MICOS13: variants seen among roughly 807,000 people sequenced by gnomAD.
MICOS13 encodes the protein mitochondrial contact site and cristae organizing system subunit 13.
MICOS13 carries 15 observed loss-of-function variants against 16.1 expected under a neutral mutation model. The observed-to-expected ratio is 0.93, with a 90% CI of 0.62 to 1.44. The LOEUF (loss-of-function observed/expected upper bound fraction) is 1.44. Ranked by LOEUF, MICOS13 falls within the 40% of genes most tolerant of loss-of-function variation. The pLI is 0.00. For synonymous variants in MICOS13, 61 were observed against 62.6 expected (o/e 0.97, Z 0.12); for missense variants, 164 against 155.0 (o/e 1.06, Z -0.31).
Position 5,679,458 on chromosome 19 carries a change from C to A in MICOS13, c.208-62G>T. On this transcript the variant is annotated intron_variant, in intron 2 of 3. Transcript: ENST00000309324. ...AGGCTCAGCAGCCCATCCCCAGAGG[C>A]GGAGGGAGGAGGACAGGCCGGAGAA... 2.5e-6 allele frequency: 4 copies of A among 1,595,656 alleles called. No homozygotes were observed. The Admixed American group carries it at 6.7e-5, about 27-fold the overall frequency.
Position 5,678,462 on chromosome 19 carries a change from T to G in MICOS13, c.*89A>C. 2 of 1,256,232 alleles carry G rather than the reference T, an allele frequency of 1.6e-6. No individual in the cohort carries two copies. Among genetic ancestry groups the G allele is most frequent in the Non-Finnish European group, 2.2e-6 (2 of 894,340 alleles). 77.8% of individuals were successfully genotyped at this position (1,256,232 alleles called of 1,614,324 possible). ...TTATTGGGCCGGCAAGGCCGGGAGC[T>G]GCCCTCGGAGTGGGGTCCCAGTCCG... On this transcript the variant is annotated 3_prime_UTR_variant, in exon 4 of 4. Transcript: ENST00000309324.
At chr19:5,678,815 C>T (rs1040993412) in intron 3 of MICOS13, 167 bp from the exon 4 acceptor site, 6 of 573,162 alleles carry the variant, frequency 1.0e-5, no homozygotes, top group Middle Eastern at 4.8e-4. Context: ...AATCTCGGCT[C>T]ACTGCAACCT....
At chr19:5,679,510 A>G in intron 2 of MICOS13, 76 bp downstream of exon 2, 1 of 1,594,414 alleles carries the variant, frequency 6.3e-7, no homozygotes, top group Admixed American at 1.7e-5. Flanking sequence ...ATGGAGGACA[A>G]CATCGTGCAG....
intron 1 of MICOS13, 187 bp from the exon 2 acceptor site, chr19:5,679,950 G>A (rs2054502741): frequency 1.4e-6 from 2 of 1,400,008 alleles, no homozygotes; most frequent in Admixed American, 2.7e-5. Context: ...TGCAAGGCAG[G>A]GCGGCTGGAC....
Position 5,678,561 on chromosome 19 carries a change from C to T in MICOS13, c.347G>A (p.Arg116His), listed in dbSNP as rs902269044. The T allele has an allele frequency of 1.4e-5, 21 of 1,548,988 alleles. No individual in the cohort carries two copies. In the Admixed American group the frequency reaches 1.4e-4, roughly 10 times the overall value. ...GCCCCTGCTGACTCGCTACTTGGTGCGCGCCTTCACATACTCCCAGCCCTC... is the reference window on the plus strand; with the variant it reads ...GCCCCTGCTGACTCGCTACTTGGTGTGCGCCTTCACATACTCCCAGCCCTC... ...SKEGWEYVKA[R>H]TK is the part of the protein sequence containing the mutation. The change falls in exon 4 of 4, where the codon CGC (arginine) becomes CAC (histidine). Residue 116 changes from arginine (R) to histidine (H), a missense_variant. Coordinates refer to ENST00000309324, the MANE Select transcript of MICOS13 (RefSeq NM_205767.3).
intron 1 of MICOS13, 159 bp downstream of exon 1, chr19:5,680,299 T>G (rs1187108892): frequency 2.1e-5 from 34 of 1,609,596 alleles, no homozygotes; most frequent in Non-Finnish European, 2.8e-5. Flanking sequence ...GCCCCGCCCC[T>G]CTGAAGCCTC....
In MICOS13 at chr19:5,679,237, GAC is replaced by G. The variant is rs1198068267; in HGVS notation, c.259+106_259+107del. 20 of 1,203,740 alleles carry G rather than the reference GAC, an allele frequency of 1.7e-5. No homozygotes were observed. The African/African-American group carries it at 2.6e-4, about 16-fold the overall frequency. The allele number at this position is 1,203,740 out of a possible 1,614,324, so 74.6% of individuals were successfully genotyped here. A position where few individuals can be genotyped will look rare whatever the true frequency, so the allele number is the denominator to read the frequency against. ...TCCTTTCCCTTTTAGATCCCTAAGA[GAC>G]ACGTGTCGGGCAGGAAGGAGGATGG... On this transcript the variant is annotated intron_variant, in intron 3 of 3. Coordinates refer to ENST00000309324, the MANE Select transcript of MICOS13 (RefSeq NM_205767.3).
At chr19:5,680,395 C>T in intron 1 of MICOS13, 63 bp downstream of exon 1, 1 of 1,609,540 alleles carries the variant, frequency 6.2e-7, no homozygotes, top group Non-Finnish European at 8.5e-7. Context: ...AGACTGGAGA[C>T]AGGGATGCCC....
At chr19:5,679,991 G>T (rs1568294019) in intron 1 of MICOS13, 1 of 1,476,348 alleles carries the variant, frequency 6.8e-7, no homozygotes, top group Non-Finnish European at 8.9e-7. Flanking sequence ...GAAACCCAGA[G>T]GGGGAGAGTG....
intron 1 of MICOS13, chr19:5,680,257 A>G (rs753024069): frequency 1.5e-5 from 24 of 1,576,970 alleles, no homozygotes; most frequent in Non-Finnish European, 2.0e-5. Context: ...CTCGCTGGGA[A>G]GCAGGAGGGA....
rs1157756841 is a variant in MICOS13 at position 5,679,390 on chromosome 19, C to A, written c.214G>T (p.Ala72Ser). 1 of 1,613,352 alleles carries A rather than the reference C, an allele frequency of 6.2e-7. No individual in the cohort carries two copies. The highest frequency in any genetic ancestry group is 8.5e-7 in the Non-Finnish European group (1 of 1,179,796). The change falls in exon 3 of 4, where the codon GCC becomes TCC. Residue 72 changes from alanine (A) to serine (S), a missense_variant. Transcript: ENST00000309324. The part of the protein sequence containing the change: ...QTGLQIPQLP[A>S]PPKIYFPIRD... ...ATGGGAAAGTAAATCTTTGGAGGGG[C>A]TGGGAGCTGGGAAAAAGAGATGGGC...
At chr19:5,679,068 C>T (rs1391509312) in intron 3 of MICOS13, 5 of 438,450 alleles carry the variant, frequency 1.1e-5, no homozygotes, top group African/African-American at 4.0e-5. Flanking sequence ...TGCACCACCA[C>T]GCACGGTTAA....
chr19:5,679,278 G>A (rs1307184860), intron 3 of MICOS13, 67 bp downstream of exon 3: 1 of 1,480,410 alleles, frequency 6.8e-7, no homozygotes, highest in Non-Finnish European at 9.3e-7. Context: ...GAAAGGAATG[G>A]CCAGGAAGTG....
At chr19:5,679,487 G>C in intron 2 of MICOS13, 91 bp from the exon 3 acceptor site, 4 of 1,592,440 alleles carry the variant, frequency 2.5e-6, no homozygotes, top group Non-Finnish European at 3.4e-6. Context: ...CGGAGAATCA[G>C]GTCAGCATCA....
At chr19:5,679,262 T>G in intron 3 of MICOS13, 83 bp downstream of exon 3, 1 of 1,407,150 alleles carries the variant, frequency 7.1e-7, no homozygotes, top group South Asian at 1.2e-5. Context: ...GGAAGGAGGA[T>G]GGACAGAAAG....
chr19:5,679,455 A>G, intron 2 of MICOS13, 59 bp from the exon 3 acceptor site: 1 of 1,595,290 alleles, frequency 6.3e-7, no homozygotes, highest in Non-Finnish European at 8.6e-7. Context: ...CCATCCCCAG[A>G]GGCGGAGGGA....
intron 1 of MICOS13, 138 bp from the exon 2 acceptor site, chr19:5,679,901 A>G: frequency 7.4e-7 from 1 of 1,353,124 alleles, no homozygotes; most frequent in Non-Finnish European, 9.9e-7. Flanking sequence ...AGCACCGTCG[A>G]CCCAGACCCC....
chr19:5,679,568 G>C lies in MICOS13; in HGVS notation c.207+18C>G, dbSNP rs776741996. ...TGACCACCCGCCAAACCCTGGCCTC[G>C]TTCCCGGCCCGTAGTACCTGGGGTA... On this transcript the variant is annotated intron_variant, in intron 2 of 3. Transcript: ENST00000309324. 1 of 1,605,870 alleles carries C rather than the reference G, an allele frequency of 6.2e-7. No individual in the cohort carries two copies. Among genetic ancestry groups the C allele is most frequent in the African/African-American group, 1.3e-5 (1 of 74,528 alleles).
chr19:5,679,227 A>C, intron 3 of MICOS13, 118 bp downstream of exon 3: 1 of 1,127,278 alleles, frequency 8.9e-7, no homozygotes, highest in Non-Finnish European at 1.3e-6. Flanking sequence ...TCCCTTTTAG[A>C]TCCCTAAGAG....
Sources: gnomAD v4.1 joint callset for allele counts on GRCh38, gnomAD v4.1.1 for gene constraint, MANE v1.5 for transcripts, NCBI Gene and HGNC (gene_info 2026-07-23, HGNC 2026-07-21) for gene names.